JMJD1C: variants seen among roughly 807,000 people sequenced by gnomAD.
The protein encoded by JMJD1C is jumonji domain-containing protein 1C.
JMJD1C carries 31 observed loss-of-function variants against 245.3 expected under a neutral mutation model. That is an observed-to-expected ratio of 0.13 (90% CI 0.09 to 0.17). The LOEUF (loss-of-function observed/expected upper bound fraction) is 0.17. Ranked by LOEUF, JMJD1C falls within the 10% of genes least tolerant of loss-of-function variation. The probability of loss-of-function intolerance (pLI) is 1.00; values close to 1 mark genes in which losing one functional copy is unlikely to be tolerated. For synonymous variants in JMJD1C, 1,057 were observed against 1,017.4 expected, an observed-to-expected ratio of 1.04 and a Z score of -0.74; for missense variants, 2,691 against 3,000.2, an observed-to-expected ratio of 0.90 and a Z score of 2.41.
intron 2 of JMJD1C, among the ~76,000 whole-genome samples, chr10:63,374,967 G>A (rs1021969566): frequency 1.3e-5 from 2 of 152,112 alleles, no homozygotes; most frequent in African/African-American, 4.8e-5. Context: ...TCTGTGAACA[G>A]ACACAATTTT....
At chr10:63,222,365 T>G in intron 3 of JMJD1C, 1 of 1,090,952 alleles carries the variant, frequency 9.2e-7, no homozygotes, top group Non-Finnish European at 1.4e-6. Context: ...TCATATGTTT[T>G]TCAGTACAGC....
At chr10:63,209,334 A>G (rs1847044518) in intron 8 of JMJD1C, 99 bp from the exon 9 acceptor site, 12 of 902,230 alleles carry the variant, frequency 1.3e-5, no homozygotes, top group Non-Finnish European at 1.9e-5. Context: ...TTGGTGGTTT[A>G]TTAGTTCATT....
intron 1 of JMJD1C, among the ~76,000 whole-genome samples, chr10:63,388,729 A>C (rs191575710): frequency 1.3e-5 from 2 of 152,212 alleles, no homozygotes; most frequent in African/African-American, 4.8e-5. Context: ...AAAACAGATT[A>C]AAGTGTCAGA....
intron 11 of JMJD1C, 99 bp from the exon 12 acceptor site, chr10:63,198,826 T>C (rs1435839647): frequency 1.6e-6 from 1 of 614,082 alleles, no homozygotes; most frequent in African/African-American, 1.9e-5. Flanking sequence ...CATTGCATTA[T>C]AAAATATGAA....
chr10:63,313,989 C>A (rs1939590288), intron 2 of JMJD1C, among the ~76,000 whole-genome samples: 1 of 152,124 alleles, frequency 6.6e-6, no homozygotes, highest in South Asian at 2.1e-4. Flanking sequence ...GTCATGAAGT[C>A]TTTGCCTAAG....
chr10:63,176,232 A>AT (rs145453472), intron 24 of JMJD1C, 65 bp downstream of exon 24: 41,437 of 1,211,500 alleles, frequency 0.034, 794 homozygotes, highest in African/African-American at 0.11. Context: ...ACTAAGAGCA[A>AT]TTTTTTTTTC....
chr10:63,414,781 C>T lies in JMJD1C; in HGVS notation c.169-34299G>A, dbSNP rs142147054. Among the ~76,000 whole-genome samples the T allele has an allele frequency of 3.2e-3, 487 of 152,006 alleles. 3 individuals are homozygous for T. The highest frequency in any genetic ancestry group is 0.011 in the African/African-American group (472 of 41,462). ...AACTCACCGGTTGTGGTGGCAGGTG[C>T]CTGTAGACCCAGCTACTCGGGTGGC... On this transcript the variant is annotated intron_variant, in intron 1 of 25. Transcript: ENST00000399262.
chr10:63,442,267 G>A (rs900638322), intron 1 of JMJD1C, among the ~76,000 whole-genome samples: 1 of 152,104 alleles, frequency 6.6e-6, no homozygotes, highest in African/African-American at 2.4e-5. Flanking sequence ...TTAAACCTGG[G>A]TATATATCAA....
chr10:63,396,550 TA>T (rs1948500700), intron 1 of JMJD1C, among the ~76,000 whole-genome samples: 1 of 152,174 alleles, frequency 6.6e-6, no homozygotes, highest in African/African-American at 2.4e-5. Context: ...TCAGATGATA[TA>T]CAACGGGCAA....
intron 1 of JMJD1C, among the ~76,000 whole-genome samples, chr10:63,463,741 C>A (rs1952970122): frequency 6.6e-6 from 1 of 151,902 alleles, no homozygotes; most frequent in Admixed American, 6.6e-5. Flanking sequence ...TATGGTGAAA[C>A]GCAAAGATAG....
intron 3 of JMJD1C, among the ~76,000 whole-genome samples, chr10:63,231,162 T>C (rs1295559032): frequency 1.3e-5 from 2 of 152,208 alleles, no homozygotes; most frequent in Non-Finnish European, 2.9e-5. Flanking sequence ...CCTTAAACTA[T>C]GCAAGCAAGA....
rs991728795 is a variant in JMJD1C at position 63,465,948 on chromosome 10, A to AGCCGCC, written c.-292_-287dup. ...GCCGTCGAAGACCCCGAGGCAGCCC[A>AGCCGCC]GCCGCCGCCACCGCGCCGCGGCCAG... On this transcript the variant is annotated 5_prime_UTR_variant, in exon 1 of 26. Coordinates refer to ENST00000399262, the MANE Select transcript of JMJD1C (RefSeq NM_032776.3). The AGCCGCC allele has an allele frequency of 3.2e-5, 17 of 533,008 alleles. No individual in the cohort carries two copies. In the Admixed American group the frequency reaches 3.4e-4, roughly 11 times the overall value. 33.0% of individuals were successfully genotyped at this position (533,008 alleles called of 1,614,324 possible). A position where few individuals can be genotyped will look rare whatever the true frequency, so the allele number is the denominator to read the frequency against.
chr10:63,412,522 C>T (rs1443060835), intron 1 of JMJD1C, among the ~76,000 whole-genome samples: 1 of 152,106 alleles, frequency 6.6e-6, no homozygotes, highest in Non-Finnish European at 1.5e-5. Context: ...AGCAGACATT[C>T]GCAACATTTG....
At chr10:63,468,626 T>C (rs531369427), upstream of JMJD1C, among the ~76,000 whole-genome samples, 1 of 152,348 alleles carries the variant, frequency 6.6e-6, no homozygotes, top group Admixed American at 6.5e-5. Context: ...CTAAGTTTAC[T>C]TATAGAAGCT....
intron 2 of JMJD1C, among the ~76,000 whole-genome samples, chr10:63,326,039 A>G (rs568983211): frequency 6.6e-6 from 1 of 152,366 alleles, no homozygotes; most frequent in South Asian, 2.1e-4. Flanking sequence ...TGAGCATAAT[A>G]TATTTTAGTA....
rs148783917 is a variant in JMJD1C, at chr10:63,249,078, G to A, written c.447+15573C>T. On this transcript the variant is annotated intron_variant, in intron 3 of 25. Coordinates refer to ENST00000399262, the MANE Select transcript of JMJD1C (RefSeq NM_032776.3). ...CGCCTGTAATCCCAGCACTTTGGGA[G>A]GCCAAGGCGGGTGGATCACCTGAGG... 2.3e-4 allele frequency among the ~76,000 whole-genome samples: 35 copies of A among 152,372 alleles called. No individual in the cohort carries two copies. The East Asian group carries it at 6.0e-3, about 26-fold the overall frequency.
At position 63,463,960 on chromosome 10, in the gene JMJD1C, ATTAAG is replaced by A. The variant is rs745390186; in HGVS notation, c.168+1530_168+1534del. ...ACTTAAATTCCCAACTAAGAGAGCA[ATTAAG>A]TTATTTATATATACAAATTTTTTTT... On this transcript the variant is annotated intron_variant, in intron 1 of 25. Coordinates refer to ENST00000399262, the MANE Select transcript of JMJD1C (RefSeq NM_032776.3). Among the ~76,000 whole-genome samples, 241 of 152,178 alleles carry A rather than the reference ATTAAG, an allele frequency of 1.6e-3. 4 individuals carry two copies. The highest frequency in any genetic ancestry group is 1.2e-3 in the Non-Finnish European group (82 of 68,030).
At chr10:63,291,261 TAGCGC>T (rs1858652641) in intron 2 of JMJD1C, among the ~76,000 whole-genome samples, 3 of 123,022 alleles carry the variant, frequency 2.4e-5, no homozygotes, top group African/African-American at 3.3e-5. Context: ...TGAGCTGAGA[TAGCGC>T]CATTGCACTC....
intron 10 of JMJD1C, chr10:63,202,739 A>G: frequency 1.0e-6 from 1 of 985,418 alleles, no homozygotes; most frequent in Non-Finnish European, 1.2e-6. Flanking sequence ...CTTATGTAAA[A>G]TGTTTATTTC....
Sources: allele counts gnomAD v4.1 joint callset (sites outside exome capture counted in the v4.1 genomes callset), GRCh38; gene constraint gnomAD v4.1.1; transcripts MANE v1.5; gene names NCBI Gene and HGNC (gene_info 2026-07-23, HGNC 2026-07-21).